The following IKZF1 variants were observed in gnomAD, a reference collection of about 807,000 sequenced individuals.
The protein encoded by IKZF1 is DNA-binding protein Ikaros.
Under a neutral mutation model 51.7 loss-of-function variants are expected in IKZF1, and 10 were observed. That is an observed-to-expected ratio of 0.19 (90% CI 0.12 to 0.33). The LOEUF is 0.33. IKZF1 is among the 10% of genes least tolerant of loss of function. The pLI is 1.00. For missense variants in IKZF1, 484 were observed against 707.5 expected, an observed-to-expected ratio of 0.68 and a Z score of 3.58; for synonymous variants, 280 against 282.3, an observed-to-expected ratio of 0.99 and a Z score of 0.08.
At chr7:50,382,482 C>T (rs1183131229) in intron 4 of IKZF1, 58 bp from the exon 5 acceptor site, 8 of 1,538,430 alleles carry the variant, frequency 5.2e-6, no homozygotes, top group East Asian at 2.4e-5. Context: ...CTCGTAGCAT[C>T]GTCCTCATGT....
intron 3 of IKZF1, among the ~76,000 whole-genome samples, chr7:50,353,614 C>T (rs1802448516): frequency 6.6e-6 from 1 of 152,184 alleles, no homozygotes. Context: ...CAGGTGAGCT[C>T]AGGTGGGTCA....
intron 3 of IKZF1, among the ~76,000 whole-genome samples, chr7:50,331,973 G>A (rs1231999396): frequency 2.6e-5 from 4 of 152,230 alleles, no homozygotes; most frequent in African/African-American, 9.6e-5. Flanking sequence ...ACTGTAGCTT[G>A]TTCTTCTGAA....
intron 1 of IKZF1, among the ~76,000 whole-genome samples, chr7:50,305,127 C>T (rs932525462): frequency 3.9e-5 from 6 of 152,168 alleles, no homozygotes; most frequent in Non-Finnish European, 8.8e-5. Flanking sequence ...CAGGACCAGG[C>T]CGACATGGGA....
At position 50,381,098 on chromosome 7, in the gene IKZF1, T is replaced by A. The variant is rs79176826; in HGVS notation, c.422-1442T>A. ...AAATTAGTTTCAGCTTTTATAGTAA[T>A]GCATCTAACCCGCCAGCTTAAAAAA... is the stretch of plus-strand genomic sequence containing the variant. On this transcript the variant is annotated intron_variant, in intron 4 of 7. Coordinates refer to ENST00000331340, the MANE Select transcript of IKZF1 (RefSeq NM_006060.6). 1.4e-3 allele frequency among the ~76,000 whole-genome samples: 217 copies of A among 151,884 alleles called. 6 individuals are homozygous for A. In the East Asian group the frequency reaches 0.032, roughly 22 times the overall value.
At chr7:50,389,356 C>T (rs2153493442) in intron 6 of IKZF1, among the ~76,000 whole-genome samples, 1 of 152,108 alleles carries the variant, frequency 6.6e-6, no homozygotes, top group South Asian at 2.1e-4. Flanking sequence ...GTCTCTATGT[C>T]AGTAAGGCTA....
chr7:50,344,186 T>C (rs1799775261), intron 3 of IKZF1, among the ~76,000 whole-genome samples: 1 of 152,226 alleles, frequency 6.6e-6, no homozygotes, highest in Non-Finnish European at 1.5e-5. Flanking sequence ...GCAAAATACA[T>C]TGAATGAAAT....
At chr7:50,333,446 C>T (rs976181595) in intron 3 of IKZF1, among the ~76,000 whole-genome samples, 1 of 152,172 alleles carries the variant, frequency 6.6e-6, no homozygotes, top group Admixed American at 6.5e-5. Flanking sequence ...GGAGATTGGG[C>T]AGCAGGCTTT....
intron 1 of IKZF1, among the ~76,000 whole-genome samples, chr7:50,311,555 T>G (rs1316080121): frequency 3.3e-5 from 5 of 152,206 alleles, no homozygotes; most frequent in Non-Finnish European, 7.3e-5. Flanking sequence ...CTAAATAATT[T>G]TACTTCTTTG....
In IKZF1 at chr7:50,400,026, A is replaced by G. The variant is rs1278699321; in HGVS notation, c.959A>G (p.Asn320Ser). Reference protein sequence around the residue: ...VMDQAINNAINYLGAESLRPL... With the variant: ...VMDQAINNAISYLGAESLRPL... ...GACCAAGCCATCAACAACGCCATCA[A>G]CTACCTGGGGGCCGAGTCCCTGCGC... The change falls in exon 8 of 8, where the codon AAC becomes AGC. Residue 320 changes from asparagine (N) to serine (S), a missense_variant. Transcript: ENST00000331340. The surrounding 1 kb of genome is among the most constrained non-coding windows in gnomAD (Gnocchi z 5.4). 1.2e-6 allele frequency: 2 copies of G among 1,612,748 alleles called. No homozygotes were observed. The highest frequency in any genetic ancestry group is 1.6e-4 in the Middle Eastern group (1 of 6,082).
At chr7:50,347,444 A>G (rs1800664884) in intron 3 of IKZF1, among the ~76,000 whole-genome samples, 1 of 152,110 alleles carries the variant, frequency 6.6e-6, no homozygotes, top group South Asian at 2.1e-4. Flanking sequence ...ACTTTGAACC[A>G]AGCTTAAAGT....
At chr7:50,339,693 G>T (rs1161122360) in intron 3 of IKZF1, among the ~76,000 whole-genome samples, 1 of 151,778 alleles carries the variant, frequency 6.6e-6, no homozygotes, top group African/African-American at 2.4e-5. Flanking sequence ...GGCGGGGGTT[G>T]CAGTGAGCCA....
At chr7:50,309,328 A>G (rs769488060) in intron 1 of IKZF1, among the ~76,000 whole-genome samples, 1 of 152,206 alleles carries the variant, frequency 6.6e-6, no homozygotes, top group Non-Finnish European at 1.5e-5. Context: ...GTTTGTTGAG[A>G]GAGCAATGCA....
intron 4 of IKZF1, among the ~76,000 whole-genome samples, chr7:50,382,109 T>G (rs1266531932): frequency 6.6e-6 from 1 of 152,216 alleles, no homozygotes; most frequent in East Asian, 1.9e-4. Flanking sequence ...GAAATGCATT[T>G]TTAATGAGTT....
intron 3 of IKZF1, among the ~76,000 whole-genome samples, chr7:50,329,871 C>A (rs1325402801): frequency 6.6e-6 from 1 of 152,214 alleles, no homozygotes; most frequent in Non-Finnish European, 1.5e-5. Context: ...CTGCAGCTGC[C>A]CTTAGAGGCT....
intron 5 of IKZF1, 131 bp from the exon 6 acceptor site, chr7:50,387,214 G>A (rs551317650): frequency 2.6e-5 from 34 of 1,285,100 alleles, no homozygotes; most frequent in African/African-American, 2.0e-4. Context: ...CACCAAGTCC[G>A]TAACAGTTTT....
chr7:50,338,657 G>C (rs1221424024), intron 3 of IKZF1, among the ~76,000 whole-genome samples: 2 of 152,188 alleles, frequency 1.3e-5, no homozygotes, highest in African/African-American at 2.4e-5. Flanking sequence ...GGCTTAAACA[G>C]AGTACAGCCT....
intron 1 of IKZF1, among the ~76,000 whole-genome samples, chr7:50,306,806 G>A (rs1445253638): frequency 2.0e-5 from 3 of 152,110 alleles, no homozygotes; most frequent in Non-Finnish European, 4.4e-5. Context: ...TACATTTTTT[G>A]TTCTTGATTT....
intron 1 of IKZF1, among the ~76,000 whole-genome samples, chr7:50,305,978 T>C (rs187014793): frequency 5.3e-5 from 8 of 152,350 alleles, no homozygotes; most frequent in Admixed American, 5.2e-4. Flanking sequence ...AAGATGTTTG[T>C]TCAATGAGTT....
chr7:50,350,476 A>G (rs1019681791), intron 3 of IKZF1, among the ~76,000 whole-genome samples: 3 of 151,904 alleles, frequency 2.0e-5, no homozygotes, highest in Non-Finnish European at 4.4e-5. Flanking sequence ...TGCCCTCCCC[A>G]CTGATTTTGA....
Sources: gnomAD v4.1 joint callset for allele counts (sites outside exome capture counted in the v4.1 genomes callset) on GRCh38, gnomAD v4.1.1 for gene constraint, Gnocchi (gnomAD v3.1) non-coding constraint, MANE v1.5 for transcripts, NCBI Gene and HGNC (gene_info 2026-07-23, HGNC 2026-07-21) for gene names.